CDYL2: variants seen among roughly 807,000 people sequenced by gnomAD.
CDYL2 encodes the protein chromodomain Y-like protein 2.
Under a neutral mutation model 49.4 loss-of-function variants are expected in CDYL2, and 23 were observed. The ratio of observed to expected loss-of-function variants is 0.47; its 90% CI spans 0.34 to 0.66. The LOEUF is 0.66. Among genes scored for constraint, CDYL2 ranks in the 30% least tolerant of loss-of-function variants. CDYL2 has a pLI of 0.01. For synonymous variants in CDYL2, 360 were observed against 268.8 expected, an observed-to-expected ratio of 1.34 and a Z score of -3.32; for missense variants, 678 against 656.4, an observed-to-expected ratio of 1.03 and a Z score of -0.36.
intron 1 of CDYL2, among the ~76,000 whole-genome samples, chr16:80,745,486 C>T (rs1266829595): frequency 6.6e-6 from 1 of 152,196 alleles, no homozygotes; most frequent in Non-Finnish European, 1.5e-5. Context: ...AGCCACCAGA[C>T]CTTTCTGTGC....
chr16:80,631,378 T>A (rs2142389811), intron 3 of CDYL2, among the ~76,000 whole-genome samples: 1 of 152,346 alleles, frequency 6.6e-6, no homozygotes, highest in African/African-American at 2.4e-5. Context: ...TCGTGGAGCA[T>A]CTTCCCACCT....
chr16:80,758,788 C>T (rs899433397), intron 1 of CDYL2, among the ~76,000 whole-genome samples: 6 of 151,740 alleles, frequency 4.0e-5, no homozygotes, highest in African/African-American at 9.7e-5. Context: ...CTGATCCGCC[C>T]GCCTCTGCCT....
At chr16:80,692,463 T>G (rs1322568814) in intron 1 of CDYL2, among the ~76,000 whole-genome samples, 1 of 152,198 alleles carries the variant, frequency 6.6e-6, no homozygotes, top group Admixed American at 6.5e-5. Context: ...ACTGCCCATT[T>G]AAAACATGAC....
At chr16:80,756,960 C>G (rs1182005733) in intron 1 of CDYL2, among the ~76,000 whole-genome samples, 1 of 151,952 alleles carries the variant, frequency 6.6e-6, no homozygotes, top group East Asian at 1.9e-4. Flanking sequence ...AAGAACAATC[C>G]TAGTCTCAAA....
rs1906114134 is a variant in CDYL2 at position 80,602,101 on chromosome 16, A to T, written c.*2287T>A. 6.6e-6 allele frequency: 1 copy of T among 152,350 alleles called. No individual in the cohort carries two copies. Among genetic ancestry groups the T allele is most frequent in the African/African-American group, 2.4e-5 (1 of 41,582 alleles). 9.4% of individuals were successfully genotyped at this position (152,350 alleles called of 1,614,324 possible). ...AGGGGGCTCTTTCTAATGAAAATTT[A>T]GCAGTAGTGAAGACACTGTCTGCCA... is the stretch of plus-strand genomic sequence containing the variant. On this transcript the variant is annotated 3_prime_UTR_variant, in exon 7 of 7. Transcript: ENST00000570137.
At chr16:80,672,352 C>CACACACACACAG (rs68130206) in intron 2 of CDYL2, among the ~76,000 whole-genome samples, 6 of 117,772 alleles carry the variant, frequency 5.1e-5, no homozygotes, top group South Asian at 6.2e-4. Flanking sequence ...CACACACACA[C>CACACACACACAG]AGAGAGAGAG....
chr16:80,644,071 C>G (rs113061114), intron 2 of CDYL2, among the ~76,000 whole-genome samples: 10 of 152,350 alleles, frequency 6.6e-5, no homozygotes, highest in African/African-American at 2.2e-4. Context: ...CTTTTAACAG[C>G]ACCCAAGTCA....
intron 1 of CDYL2, among the ~76,000 whole-genome samples, chr16:80,757,912 AC>A (rs1906369727): frequency 6.6e-6 from 1 of 152,172 alleles, no homozygotes; most frequent in Non-Finnish European, 1.5e-5. Context: ...ATTTTATTTT[AC>A]TTAAAAATTG....
At chr16:80,765,166 A>G in intron 1 of CDYL2, among the ~76,000 whole-genome samples, 1 of 144,022 alleles carries the variant, frequency 6.9e-6, no homozygotes, top group East Asian at 2.0e-4. Flanking sequence ...TACAATATAT[A>G]TAATATATTA....
intron 1 of CDYL2, among the ~76,000 whole-genome samples, chr16:80,746,382 G>A (rs1188806743): frequency 6.6e-6 from 1 of 152,174 alleles, no homozygotes; most frequent in Non-Finnish European, 1.5e-5. Context: ...GGCTTCTTTA[G>A]ACAAGCTCGA....
At chr16:80,748,422 G>C (rs1477963136) in intron 1 of CDYL2, among the ~76,000 whole-genome samples, 7 of 147,392 alleles carry the variant, frequency 4.7e-5, no homozygotes, top group African/African-American at 1.5e-4. Flanking sequence ...AGCTACTTGG[G>C]AGGCTGAGGC....
intron 1 of CDYL2, among the ~76,000 whole-genome samples, chr16:80,788,681 A>G (rs1403978148): frequency 6.6e-6 from 1 of 152,226 alleles, no homozygotes; most frequent in African/African-American, 2.4e-5. Flanking sequence ...ACTGGCTTAA[A>G]TGTTGGTTCA....
In CDYL2 at chr16:80,633,385, A is replaced by C. The variant is rs116462711; in HGVS notation, c.617-149T>G. On this transcript the variant is annotated intron_variant, in intron 2 of 6. Coordinates refer to ENST00000570137, the MANE Select transcript of CDYL2 (RefSeq NM_152342.4). ...CCCTGTGCCACCCTCTGTTCTAGGA[A>C]GAGGGAAGGTGAAGAGACAGGCTGA... The C allele has an allele frequency of 3.6e-4, 272 of 752,060 alleles. 1 individual carries two copies. The African/African-American group carries it at 4.0e-3, about 11-fold the overall frequency. 46.6% of individuals were successfully genotyped at this position (752,060 alleles called of 1,614,324 possible). A position where few individuals can be genotyped will look rare whatever the true frequency, so the allele number is the denominator to read the frequency against.
chr16:80,752,675 G>C (rs1040908209), intron 1 of CDYL2, among the ~76,000 whole-genome samples: 9 of 152,170 alleles, frequency 5.9e-5, no homozygotes, highest in Admixed American at 3.3e-4. Context: ...CACACAACAA[G>C]GGAGTGAATT....
intron 1 of CDYL2, among the ~76,000 whole-genome samples, chr16:80,695,509 C>A (rs1567574513): frequency 6.6e-6 from 1 of 152,190 alleles, no homozygotes; most frequent in Non-Finnish European, 1.5e-5. Flanking sequence ...ATAAGAAATT[C>A]ACTTCACCTG....
intron 1 of CDYL2, among the ~76,000 whole-genome samples, chr16:80,745,833 T>G (rs1285252523): frequency 6.6e-6 from 1 of 152,124 alleles, no homozygotes; most frequent in Admixed American, 6.5e-5. Flanking sequence ...CCAGCGACCT[T>G]CCACTTATGT....
chr16:80,780,167 A>C (rs1022699979), intron 1 of CDYL2, among the ~76,000 whole-genome samples: 1 of 152,078 alleles, frequency 6.6e-6, no homozygotes, highest in African/African-American at 2.4e-5. Context: ...GAACAGCAGC[A>C]CTCTGATATT....
chr16:80,694,197 A>T (rs1385641195), intron 1 of CDYL2, among the ~76,000 whole-genome samples: 1 of 152,168 alleles, frequency 6.6e-6, no homozygotes, highest in African/African-American at 2.4e-5. Flanking sequence ...GCAGTTCACA[A>T]GAGGGTTCGT....
chr16:80,638,680 C>T (rs1017963232), intron 2 of CDYL2, among the ~76,000 whole-genome samples: 5 of 151,928 alleles, frequency 3.3e-5, no homozygotes, highest in Admixed American at 2.6e-4. Flanking sequence ...AGCAATATAC[C>T]GAGGTGATCT....
Sources: gnomAD v4.1 joint callset for allele counts (sites outside exome capture counted in the v4.1 genomes callset) on GRCh38, gnomAD v4.1.1 for gene constraint, MANE v1.5 for transcripts, NCBI Gene and HGNC (gene_info 2026-07-23, HGNC 2026-07-21) for gene names.